Variants in CUL5 observed in about 807,000 individuals in gnomAD.
CUL5 encodes the protein cullin 5.
CUL5 carries 26 observed loss-of-function variants against 108.8 expected under a neutral mutation model. The ratio of observed to expected loss-of-function variants is 0.24; its 90% confidence interval spans 0.18 to 0.33. The LOEUF is 0.33. Ranked by LOEUF, CUL5 falls within the 10% of genes least tolerant of loss-of-function variation. The probability of loss-of-function intolerance (pLI) is 1.00; values close to 1 mark genes in which losing one functional copy is unlikely to be tolerated. For missense variants in CUL5, 524 were observed against 909.2 expected, an observed-to-expected ratio of 0.58 and a Z score of 5.45; for synonymous variants, 334 against 298.0, an observed-to-expected ratio of 1.12 and a Z score of -1.25.
At chr11:108,057,169 C>G (rs1214387845) in intron 7 of CUL5, among the ~76,000 whole-genome samples, 1 of 152,104 alleles carries the variant, frequency 6.6e-6, no homozygotes, top group East Asian at 1.9e-4. Context: ...GTAGCTGGGA[C>G]TACAGGTACG....
At chr11:108,049,734 A>G (rs552836975) in intron 3 of CUL5, among the ~76,000 whole-genome samples, 156 bp from the exon 4 acceptor site, 1 of 152,100 alleles carries the variant, frequency 6.6e-6, no homozygotes, top group African/African-American at 2.4e-5. Flanking sequence ...ACATTCGTGT[A>G]CAAGTTTTTT....
intron 10 of CUL5, chr11:108,073,945 G>C (rs906725781): frequency 3.3e-5 from 5 of 153,176 alleles, no homozygotes; most frequent in African/African-American, 1.2e-4. Flanking sequence ...TTGTTTCCCA[G>C]GGAAGCATTT....
chr11:108,088,393 T>A lies in CUL5; in HGVS notation c.1179-134T>A, dbSNP rs1394134574. On this transcript the variant is annotated intron_variant, in intron 11 of 18. Transcript: ENST00000393094. ...CCTAAATTAGGCACCCTAGGATGCT[T>A]GCTTATCCTAGTTCCAAACCTGATC... The A allele has an allele frequency of 5.3e-6, 5 of 944,606 alleles. No homozygotes were observed. In the Admixed American group the frequency reaches 1.2e-4, roughly 22 times the overall value. 58.5% of individuals were successfully genotyped at this position (944,606 alleles called of 1,614,324 possible). A position where few individuals can be genotyped will look rare whatever the true frequency, so the allele number is the denominator to read the frequency against.
At chr11:108,053,644 T>A (rs1298147572) in intron 5 of CUL5, among the ~76,000 whole-genome samples, 1 of 151,988 alleles carries the variant, frequency 6.6e-6, no homozygotes, top group African/African-American at 2.4e-5. Context: ...TTTATTGGTA[T>A]TTTTTCTACT....
At chr11:108,095,180 G>A (rs192894598) in intron 15 of CUL5, among the ~76,000 whole-genome samples, 193 bp downstream of exon 15, 4 of 152,272 alleles carry the variant, frequency 2.6e-5, no homozygotes, top group East Asian at 1.9e-4. Flanking sequence ...AGATACTGCC[G>A]TTGTCTACAG....
chr11:108,053,643 A>AT (rs1863295536), intron 5 of CUL5, among the ~76,000 whole-genome samples: 2 of 137,326 alleles, frequency 1.5e-5, no homozygotes, highest in African/African-American at 5.4e-5. Context: ...TTTTATTGGT[A>AT]TTTTTTCTAC....
chr11:108,048,614 C>T (rs1863124505), intron 3 of CUL5, among the ~76,000 whole-genome samples: 1 of 146,112 alleles, frequency 6.8e-6, no homozygotes, highest in Non-Finnish European at 1.5e-5. Context: ...AGGACCAGCC[C>T]AAACTCTAAT....
At chr11:108,011,281 C>T (rs1344349422) in intron 1 of CUL5, among the ~76,000 whole-genome samples, 3 of 152,110 alleles carry the variant, frequency 2.0e-5, no homozygotes, top group East Asian at 1.9e-4. Context: ...AAGTACTTAC[C>T]TGTGGAAGCT....
intron 2 of CUL5, among the ~76,000 whole-genome samples, chr11:108,034,127 T>C (rs1313301431): frequency 6.6e-6 from 1 of 152,166 alleles, no homozygotes; most frequent in Non-Finnish European, 1.5e-5. Flanking sequence ...TTTGAGTCAT[T>C]ACAGTGAAGG....
intron 11 of CUL5, among the ~76,000 whole-genome samples, chr11:108,083,910 G>A (rs1380794575): frequency 1.3e-5 from 2 of 152,230 alleles, no homozygotes; most frequent in Non-Finnish European, 2.9e-5. Context: ...CGGGCTGCAT[G>A]CGGCCCAGGA....
At chr11:108,055,398 T>C (rs1331509862) in intron 7 of CUL5, among the ~76,000 whole-genome samples, 1 of 152,134 alleles carries the variant, frequency 6.6e-6, no homozygotes, top group East Asian at 1.9e-4. Flanking sequence ...AGGGGATATT[T>C]CTTCTCCTTC....
chr11:108,091,434 T>C (rs1446942441), intron 13 of CUL5, among the ~76,000 whole-genome samples: 1 of 151,860 alleles, frequency 6.6e-6, no homozygotes, highest in Non-Finnish European at 1.5e-5. Flanking sequence ...CTCACACCTG[T>C]AATCCCAGCA....
chr11:108,028,964 A>C (rs969443090), intron 1 of CUL5, among the ~76,000 whole-genome samples: 2 of 152,228 alleles, frequency 1.3e-5, no homozygotes, highest in African/African-American at 4.8e-5. Flanking sequence ...AAGATCCAGT[A>C]AGCTAAGTTA....
chr11:108,062,722 G>A (rs982754381), intron 7 of CUL5, among the ~76,000 whole-genome samples: 1 of 151,914 alleles, frequency 6.6e-6, no homozygotes, highest in South Asian at 2.1e-4. Context: ...TATCCTTTGT[G>A]TTACAGACAA....
intron 1 of CUL5, among the ~76,000 whole-genome samples, chr11:108,029,151 GAGA>G (rs1045077716): frequency 4.8e-4 from 73 of 152,132 alleles, no homozygotes; most frequent in African/African-American, 1.6e-3. Context: ...CCATTTGTGT[GAGA>G]AGAAGAGTGC....
At chr11:108,086,085 CAT>C (rs1864216478) in intron 11 of CUL5, among the ~76,000 whole-genome samples, 1 of 151,988 alleles carries the variant, frequency 6.6e-6, no homozygotes, top group East Asian at 1.9e-4. Flanking sequence ...TAATTGGAGT[CAT>C]AGAGCATAGA....
chr11:108,097,937 C>A (rs1864539746), intron 17 of CUL5, among the ~76,000 whole-genome samples, 183 bp downstream of exon 17: 1 of 152,082 alleles, frequency 6.6e-6, no homozygotes, highest in African/African-American at 2.4e-5. Flanking sequence ...CTATATTTTT[C>A]ATTGATACAT....
chr11:108,057,270 C>A (rs1036622359), intron 7 of CUL5, among the ~76,000 whole-genome samples: 1 of 152,118 alleles, frequency 6.6e-6, no homozygotes, highest in Admixed American at 6.6e-5. Context: ...TCGAGCAGTT[C>A]TCCCACCTCG....
intron 2 of CUL5, among the ~76,000 whole-genome samples, chr11:108,042,941 T>G (rs1862968361): frequency 6.6e-6 from 1 of 152,092 alleles, no homozygotes; most frequent in African/African-American, 2.4e-5. Context: ...TTTTGTATTT[T>G]TAGTAGAGAT....
Sources: allele counts gnomAD v4.1 joint callset (sites outside exome capture counted in the v4.1 genomes callset), GRCh38; gene constraint gnomAD v4.1.1; transcripts MANE v1.5; gene names NCBI Gene and HGNC (gene_info 2026-07-23, HGNC 2026-07-21).